SLC25A21: variants seen among roughly 807,000 people sequenced by gnomAD.
SLC25A21 encodes the protein solute carrier family 25 member 21.
In SLC25A21, 47 loss-of-function variants were observed where a neutral mutation model predicts 43.8. The ratio of observed to expected loss-of-function variants is 1.07; its 90% CI spans 0.85 to 1.37. The LOEUF (loss-of-function observed/expected upper bound fraction) is 1.37, where lower values mean the gene tolerates loss of function less well. Among genes scored for constraint, SLC25A21 ranks in the 40% most tolerant of loss-of-function variants. The pLI is 0.00. For missense variants in SLC25A21, 352 were observed against 350.2 expected, an observed-to-expected ratio of 1.00 and a Z score of -0.04; for synonymous variants, 131 against 121.3, an observed-to-expected ratio of 1.08 and a Z score of -0.52.
At chr14:37,058,116 T>C (rs1003253973) in intron 1 of SLC25A21, among the ~76,000 whole-genome samples, 2 of 152,210 alleles carry the variant, frequency 1.3e-5, no homozygotes, top group African/African-American at 4.8e-5. Context: ...TATTAAACAA[T>C]TTAAAAAATG....
intron 1 of SLC25A21, among the ~76,000 whole-genome samples, chr14:36,976,773 C>T (rs1959883279): frequency 6.6e-6 from 1 of 152,216 alleles, no homozygotes; most frequent in East Asian, 1.9e-4. Flanking sequence ...AGGATTTGCA[C>T]CTCAAGCATG....
intron 1 of SLC25A21, among the ~76,000 whole-genome samples, chr14:37,141,895 T>C (rs559227275): frequency 1.4e-4 from 22 of 152,312 alleles, no homozygotes; most frequent in South Asian, 8.3e-4. Flanking sequence ...TGGCTGCACA[T>C]TGGACTCAGA....
chr14:36,860,855 G>A (rs1416284034), intron 2 of SLC25A21, among the ~76,000 whole-genome samples: 1 of 152,128 alleles, frequency 6.6e-6, no homozygotes, highest in African/African-American at 2.4e-5. Flanking sequence ...GCATATCCCA[G>A]ATAGATTCTG....
At position 36,679,483 on chromosome 14, in the gene SLC25A21, T is replaced by G; in HGVS notation, c.*1175A>C. On this transcript the variant is annotated 3_prime_UTR_variant, in exon 10 of 10. Coordinates refer to ENST00000331299, the MANE Select transcript of SLC25A21 (RefSeq NM_030631.4). ...TGGACTTTCAGTTATTCTTGTTGAC[T>G]TTACTGAATCAGCATCATCTCTGGA... The G allele has an allele frequency of 1.0e-6, 1 of 985,434 alleles. No homozygotes were observed. Among genetic ancestry groups the G allele is most frequent in the Non-Finnish European group, 1.2e-6 (1 of 829,912 alleles). 61.0% of individuals were successfully genotyped at this position (985,434 alleles called of 1,614,324 possible). A position where few individuals can be genotyped will look rare whatever the true frequency, so the allele number is the denominator to read the frequency against.
At chr14:36,773,041 G>A (rs1480803125) in intron 3 of SLC25A21, among the ~76,000 whole-genome samples, 1 of 152,104 alleles carries the variant, frequency 6.6e-6, no homozygotes, top group Non-Finnish European at 1.5e-5. Flanking sequence ...AGAAAAAGAT[G>A]GTGAAAGTTC....
intron 3 of SLC25A21, among the ~76,000 whole-genome samples, chr14:36,759,438 G>T (rs918945066): frequency 1.2e-4 from 18 of 152,156 alleles, no homozygotes; most frequent in African/African-American, 4.3e-4. Context: ...ACATAGAAAT[G>T]CTTATTCTTT....
At chr14:36,897,978 G>A (rs1268031151) in intron 1 of SLC25A21, among the ~76,000 whole-genome samples, 1 of 152,226 alleles carries the variant, frequency 6.6e-6, no homozygotes, top group Non-Finnish European at 1.5e-5. Flanking sequence ...CTACTTTGGG[G>A]TCAGGGACCC....
intron 3 of SLC25A21, among the ~76,000 whole-genome samples, chr14:36,770,991 A>C (rs1305918899): frequency 6.6e-6 from 1 of 152,172 alleles, no homozygotes; most frequent in African/African-American, 2.4e-5. Context: ...GTAAATACAA[A>C]GGCCCTTCTT....
At chr14:36,824,382 G>C (rs1888745340) in intron 2 of SLC25A21, among the ~76,000 whole-genome samples, 2 of 152,122 alleles carry the variant, frequency 1.3e-5, no homozygotes, top group Non-Finnish European at 2.9e-5. Context: ...ATGTTACCAA[G>C]ATTTGGATTG....
chr14:36,999,653 T>G (rs1960445282), intron 1 of SLC25A21, among the ~76,000 whole-genome samples: 1 of 152,248 alleles, frequency 6.6e-6, no homozygotes, highest in African/African-American at 2.4e-5. Flanking sequence ...TCTCTTGAAT[T>G]TTGCTGTGAA....
At position 36,711,421 on chromosome 14, in the gene SLC25A21, C is replaced by A. The variant is rs1250210782; in HGVS notation, c.500G>T (p.Gly167Val). ...IIKKEGWGLQGLNKGLTATLG... is the reference protein window; with the variant it reads ...IIKKEGWGLQVLNKGLTATLG... ...AGTTGCAGTTAATCCTTTGTTGAGG[C>A]CCTGGAGTCCCCAGCCTTCCTTCTT... is the stretch of plus-strand genomic sequence containing the variant. The change falls in exon 7 of 10, where the codon GGC becomes GTC. Residue 167 changes from glycine to valine, a missense_variant. By Grantham distance (109) the Gly-to-Val change is moderately radical. Transcript: ENST00000331299. 1 of 1,614,110 alleles carries A rather than the reference C, an allele frequency of 6.2e-7. No individual in the cohort carries two copies. Among genetic ancestry groups the A allele is most frequent in the Non-Finnish European group, 8.5e-7 (1 of 1,180,016 alleles).
intron 1 of SLC25A21, among the ~76,000 whole-genome samples, chr14:36,986,502 G>A (rs1373179291): frequency 1.3e-5 from 2 of 152,122 alleles, no homozygotes; most frequent in African/African-American, 2.4e-5. Context: ...CCCACAATGC[G>A]GTTGCTTTCC....
At chr14:37,102,999 A>G (rs1322473732) in intron 1 of SLC25A21, among the ~76,000 whole-genome samples, 1 of 152,102 alleles carries the variant, frequency 6.6e-6, no homozygotes, top group Non-Finnish European at 1.5e-5. Flanking sequence ...CAAAAAAAAA[A>G]AAAATTAATC....
chr14:36,788,507 G>A (rs1023214764), intron 3 of SLC25A21: 1 of 148,800 alleles, frequency 6.7e-6, no homozygotes, highest in African/African-American at 2.5e-5. Context: ...CCCCTTTACG[G>A]ATCACCTGAG....
At chr14:36,715,374 G>T (rs1373656482) in intron 6 of SLC25A21, among the ~76,000 whole-genome samples, 2 of 152,168 alleles carry the variant, frequency 1.3e-5, no homozygotes, top group African/African-American at 4.8e-5. Flanking sequence ...ATTTTGACTA[G>T]ATATCTGTAA....
chr14:36,801,032 G>T (rs1887853061), intron 3 of SLC25A21, among the ~76,000 whole-genome samples: 1 of 152,154 alleles, frequency 6.6e-6, no homozygotes, highest in South Asian at 2.1e-4. Context: ...TCGTTAGGGA[G>T]AATTTACTTA....
chr14:36,946,231 A>G (rs1892676449), intron 1 of SLC25A21, among the ~76,000 whole-genome samples: 1 of 152,328 alleles, frequency 6.6e-6, no homozygotes. Context: ...TACAAATTAT[A>G]TCATTAAAAT....
intron 2 of SLC25A21, among the ~76,000 whole-genome samples, chr14:36,874,085 T>C (rs1178546764): frequency 2.0e-5 from 3 of 152,246 alleles, no homozygotes; most frequent in Non-Finnish European, 4.4e-5. Context: ...TTCTCTTGCT[T>C]TCAGCAACCA....
intron 1 of SLC25A21, among the ~76,000 whole-genome samples, chr14:37,071,999 T>C (rs2138826459): frequency 6.6e-6 from 1 of 152,012 alleles, no homozygotes; most frequent in Admixed American, 6.5e-5. Flanking sequence ...CTGGCCAACG[T>C]GGTGAAACCT....
Sources: gnomAD v4.1 joint callset for allele counts (sites outside exome capture counted in the v4.1 genomes callset) on GRCh38, gnomAD v4.1.1 for gene constraint, MANE v1.5 for transcripts, NCBI Gene and HGNC (gene_info 2026-07-23, HGNC 2026-07-21) for gene names.